The following ECPAS variants were observed in gnomAD, a reference collection of about 807,000 sequenced individuals.
ECPAS encodes Ecm29 proteasome adaptor and scaffold.
A neutral mutation model predicts 255.1 loss-of-function variants in ECPAS; 70 were observed. The observed-to-expected ratio is 0.27, with a 90% CI of 0.23 to 0.33. The LOEUF is 0.33. Ranked by LOEUF, ECPAS falls within the 10% of genes least tolerant of loss-of-function variation. The pLI, the probability that ECPAS is intolerant of heterozygous loss-of-function variation, is 1.00. For synonymous variants in ECPAS, 784 were observed against 775.0 expected, an observed-to-expected ratio of 1.01 and a Z score of -0.19; for missense variants, 1,817 against 2,206.4, an observed-to-expected ratio of 0.82 and a Z score of 3.54.
At chr9:111,395,802 G>T (rs2098166765) in intron 25 of ECPAS, among the ~76,000 whole-genome samples, 1 of 152,106 alleles carries the variant, frequency 6.6e-6, no homozygotes, top group African/African-American at 2.4e-5. Flanking sequence ...AGGTTTGGTT[G>T]TCTTCTTGTT....
At chr9:111,449,105 TTCA>T (rs2098256948) in intron 3 of ECPAS, among the ~76,000 whole-genome samples, 1 of 152,184 alleles carries the variant, frequency 6.6e-6, no homozygotes, top group South Asian at 2.1e-4. Flanking sequence ...GGATGCCTAC[TTCA>T]CATAATCTCA....
intron 26 of ECPAS, among the ~76,000 whole-genome samples, 187 bp from the exon 27 acceptor site, chr9:111,393,921 A>T (rs902179777): frequency 2.0e-5 from 3 of 152,208 alleles, no homozygotes. Context: ...AGTCTAACAC[A>T]TGCAAGCTGA....
intron 6 of ECPAS, 63 bp from the exon 7 acceptor site, chr9:111,437,171 T>C: frequency 7.5e-7 from 1 of 1,330,204 alleles, no homozygotes; most frequent in Non-Finnish European, 1.0e-6. Flanking sequence ...TATATATGTA[T>C]ACAAAACATT....
At chr9:111,423,572 G>A (rs576011633) in intron 12 of ECPAS, among the ~76,000 whole-genome samples, 8 of 152,300 alleles carry the variant, frequency 5.3e-5, no homozygotes, top group Non-Finnish European at 8.8e-5. Flanking sequence ...TCAACACTAT[G>A]TAACCTCCAA....
Position 111,423,230 on chromosome 9 carries a change from T to C in ECPAS, c.1234A>G (p.Met412Val), listed in dbSNP as rs931863413. 1.7e-5 allele frequency: 26 copies of C among 1,559,238 alleles called. No individual in the cohort carries two copies. The highest frequency in any genetic ancestry group is 1.7e-4 in the Middle Eastern group (1 of 6,024). ...AGTTTTCCAACAGCTGAATATGCCA[T>C]TGACAGTAGTTTAGGGTCCTTGAAA... is the stretch of plus-strand genomic sequence containing the variant. ...EYKEDPKLLS[M>V]AYSAVGKLSS... The change falls in exon 13 of 50, where the codon ATG (methionine) becomes GTG (valine). Residue 412 changes from methionine (M) to valine (V), a missense_variant. By Grantham distance (21) the Met-to-Val change is conservative. Around this residue, in one of 4 missense-constraint regions of ECPAS, gnomAD observed 573 missense variants for 716.2 expected, o/e 0.80. Coordinates refer to ENST00000684092, the MANE Select transcript of ECPAS (RefSeq NM_001364929.1).
In ECPAS at chr9:111,390,076, G is replaced by T; in HGVS notation, c.3187C>A (p.Leu1063Ile). The change falls in exon 30 of 50, where the codon CTT becomes ATT. Residue 1063 changes from leucine to isoleucine, a missense_variant. By Grantham distance (5) the Leu-to-Ile change is conservative. Around this residue, in one of 4 missense-constraint regions of ECPAS, gnomAD observed 960 missense variants for 1,179.0 expected, o/e 0.81. Coordinates refer to ENST00000684092, the MANE Select transcript of ECPAS (RefSeq NM_001364929.1). The stretch of plus-strand genomic sequence containing the variant: ...CTAAGATCACTTGCCAGAGAACAAA[G>T]TTCCTTGTAAGTAGAAAGGCCCTGA... ...DGQGLSTYKE[L>I]CSLASDLSQP... The T allele has an allele frequency of 6.3e-7, 1 of 1,591,912 alleles. No homozygotes were observed. Among genetic ancestry groups the T allele is most frequent in the Non-Finnish European group, 8.6e-7 (1 of 1,164,240 alleles).
intron 2 of ECPAS, 113 bp downstream of exon 2, chr9:111,472,784 G>GAAAA: frequency 5.0e-6 from 1 of 198,762 alleles, no homozygotes; most frequent in Non-Finnish European, 1.0e-5. Flanking sequence ...GCTAGAAAAG[G>GAAAA]AAAAAAAAAA....
chr9:111,483,790 T>C (rs1489763223), intron 1 of ECPAS: 18 of 190,194 alleles, frequency 9.5e-5, no homozygotes, highest in African/African-American at 2.2e-4. Flanking sequence ...CCGCTGCCGC[T>C]GCCGCCGCCG....
At chr9:111,400,605 A>T (rs548374469) in intron 24 of ECPAS, among the ~76,000 whole-genome samples, 44 of 152,334 alleles carry the variant, frequency 2.9e-4, no homozygotes, top group Non-Finnish European at 6.0e-4. Context: ...GAAAAAAATC[A>T]AATCTTAGAG....
At chr9:111,453,886 A>T (rs2098263557) in intron 2 of ECPAS, among the ~76,000 whole-genome samples, 1 of 152,150 alleles carries the variant, frequency 6.6e-6, no homozygotes. Context: ...AAGCTGGAAA[A>T]CATCACAACT....
At chr9:111,401,055 C>T (rs760342894) in intron 24 of ECPAS, among the ~76,000 whole-genome samples, 1 of 152,090 alleles carries the variant, frequency 6.6e-6, no homozygotes, top group Non-Finnish European at 1.5e-5. Context: ...AGCTCTGATA[C>T]GTCTGGTGAC....
intron 35 of ECPAS, among the ~76,000 whole-genome samples, chr9:111,378,978 G>A (rs761129107): frequency 2.0e-5 from 3 of 152,108 alleles, no homozygotes; most frequent in Non-Finnish European, 4.4e-5. Flanking sequence ...GAAGTTCCAT[G>A]TATTTATTTA....
Position 111,484,198 on chromosome 9 carries a change from C to A in ECPAS, c.-165G>T. ...GCTGTAGAGCGAGGCGTTCGGCGGG[C>A]CGGGCCCCGGGGAGCCGCGCGCCGC... On this transcript the variant is annotated 5_prime_UTR_variant, in exon 1 of 50. Coordinates refer to ENST00000684092, the MANE Select transcript of ECPAS (RefSeq NM_001364929.1). The A allele has an allele frequency of 6.8e-7, 1 of 1,478,904 alleles. No individual in the cohort carries two copies. 91.6% of individuals were successfully genotyped at this position (1,478,904 alleles called of 1,614,324 possible). A position where few individuals can be genotyped will look rare whatever the true frequency, so the allele number is the denominator to read the frequency against.
At chr9:111,433,905 G>C (rs2098233800) in intron 7 of ECPAS, among the ~76,000 whole-genome samples, 1 of 152,160 alleles carries the variant, frequency 6.6e-6, no homozygotes, top group Non-Finnish European at 1.5e-5. Context: ...TCAAATGTTA[G>C]CTACTCAATG....
At chr9:111,457,702 TTGAC>T (rs1347455593) in intron 2 of ECPAS, among the ~76,000 whole-genome samples, 1 of 151,954 alleles carries the variant, frequency 6.6e-6, no homozygotes, top group Non-Finnish European at 1.5e-5. Flanking sequence ...GAGAAGAAAA[TTGAC>T]TGGTAAAATG....
chr9:111,391,968 C>T (rs957372267), intron 28 of ECPAS, 144 bp from the exon 29 acceptor site: 51 of 640,872 alleles, frequency 8.0e-5, no homozygotes, highest in African/African-American at 2.7e-4. Context: ...CGGCCGGGCG[C>T]GGTGGCTCAC....
chr9:111,404,424 C>A (rs945142469), intron 24 of ECPAS, among the ~76,000 whole-genome samples: 1 of 149,216 alleles, frequency 6.7e-6, no homozygotes, highest in Admixed American at 6.6e-5. Flanking sequence ...ATGTGATATG[C>A]TTTGGATTTG....
At chr9:111,439,744 G>T (rs901580907) in intron 6 of ECPAS, among the ~76,000 whole-genome samples, 2 of 152,138 alleles carry the variant, frequency 1.3e-5, no homozygotes, top group Admixed American at 1.3e-4. Flanking sequence ...ATTTTAAGGT[G>T]TTGCCTGATG....
intron 15 of ECPAS, 39 bp downstream of exon 15, chr9:111,421,882 C>A: frequency 6.3e-7 from 1 of 1,592,866 alleles, no homozygotes; most frequent in Non-Finnish European, 8.5e-7. Context: ...AAAATGTAAA[C>A]CGTATACTAC....
Sources: allele counts gnomAD v4.1 joint callset (sites outside exome capture counted in the v4.1 genomes callset), GRCh38; gene constraint gnomAD v4.1.1; regional missense constraint gnomAD v4.1.1; transcripts MANE v1.5; gene names NCBI Gene and HGNC (gene_info 2026-07-23, HGNC 2026-07-21).